SNRNP200: variants seen among roughly 807,000 people sequenced by gnomAD.
The protein encoded by SNRNP200 is small nuclear ribonucleoprotein U5 subunit 200, also known as U5 small nuclear ribonucleoprotein 200 kDa helicase.
Under a neutral mutation model 255.2 loss-of-function variants are expected in SNRNP200, and 66 were observed. That is an observed-to-expected ratio of 0.26 (90% CI 0.21 to 0.32). The LOEUF is 0.32. Among genes scored for constraint, SNRNP200 ranks in the 10% least tolerant of loss-of-function variants. SNRNP200 has a pLI of 1.00. For synonymous variants in SNRNP200, 939 were observed against 1,027.8 expected (o/e 0.91, Z 1.65); for missense variants, 1,585 against 2,749.8 (o/e 0.58, Z 9.47).
Position 96,284,373 on chromosome 2 carries a change from G to T in SNRNP200, c.4377C>A (p.Ile1459=). Residue 1459 remains isoleucine, a synonymous_variant, in exon 31 of 45, where the codon ATC becomes ATA. Transcript: ENST00000323853. ...NLFVVDEVHL[I]GGENGPVLEV... ...CACGCCATACCCCATTCTCGCCCCC[G>T]ATAAGGTGGACCTCATCCACCACGA... 6.2e-7 allele frequency: 1 copy of T among 1,613,892 alleles called. No homozygotes were observed. Among genetic ancestry groups the T allele is most frequent in the Non-Finnish European group, 8.5e-7 (1 of 1,179,866 alleles).
In SNRNP200 at chr2:96,293,501, A is replaced by G. The variant is rs776452134; in HGVS notation, c.1851T>C (p.Ile617=). ...QLVRLIILDE[I]HLLHDDRGPV... ...GACCTCTGTCATCGTGGAGAAGATG[A>G]ATCTCATCCTACGGAATTGGAGGAC... The change falls in exon 15 of 45, where the codon ATT becomes ATC. Residue 617 remains isoleucine, a synonymous_variant. Transcript: ENST00000323853. The G allele has an allele frequency of 1.9e-6, 3 of 1,612,170 alleles. No individual in the cohort carries two copies. The highest frequency in any genetic ancestry group is 1.7e-5 in the Admixed American group (1 of 60,014).
chr2:96,294,132 C>CAAAAAA (rs149859993), intron 14 of SNRNP200, among the ~76,000 whole-genome samples: 1 of 85,260 alleles, frequency 1.2e-5, no homozygotes. Context: ...TGCTCCATCT[C>CAAAAAA]AAAAAAAAAA....
intron 35 of SNRNP200, among the ~76,000 whole-genome samples, chr2:96,280,460 C>T (rs1383273964): frequency 1.3e-5 from 2 of 151,964 alleles, no homozygotes; most frequent in African/African-American, 4.8e-5. Flanking sequence ...ATCATACCAC[C>T]GCATTCCAGC....
Position 96,304,876 on chromosome 2 carries a change from G to T in SNRNP200, c.46-8C>A. ...GAGCACAAGATTCGAGTTCTGAAAAGATCAAAACATTATTGAAGCTTTGAC... is the reference window on the plus strand; with the variant it reads ...GAGCACAAGATTCGAGTTCTGAAAATATCAAAACATTATTGAAGCTTTGAC... On this transcript the variant is annotated splice_region_variant and splice_polypyrimidine_tract_variant and intron_variant, in intron 1 of 44. Coordinates refer to ENST00000323853, the MANE Select transcript of SNRNP200 (RefSeq NM_014014.5). The T allele has an allele frequency of 6.2e-7, 1 of 1,613,726 alleles. No individual in the cohort carries two copies. The highest frequency in any genetic ancestry group is 8.5e-7 in the Non-Finnish European group (1 of 1,179,834).
Position 96,281,850 on chromosome 2 carries a change from A to G in SNRNP200, c.4988T>C (p.Ile1663Thr), listed in dbSNP as rs145701974. The G allele has an allele frequency of 3.1e-6, 5 of 1,613,990 alleles. No homozygotes were observed. Among genetic ancestry groups the G allele is most frequent in the African/African-American group, 1.3e-5 (1 of 74,908 alleles). Residue 1663 changes from isoleucine (I) to threonine (T), a missense_variant, in exon 35 of 45, where the codon ATC becomes ACC. Physicochemically the swap from Ile to Thr is moderately conservative, Grantham distance 89. Transcript: ENST00000323853. ...GCCATTGTAGTACTGGGTATCCATG[A>G]TGATTACCAGGTGGGCAGCCACGTT... ...GMNVAAHLVI[I>T]MDTQYYNGKI... is the part of the protein sequence containing the mutation.
rs571601658 is a variant in SNRNP200, at chr2:96,289,248, G to C, written c.3072C>G (p.Phe1024Leu). The change falls in exon 22 of 45, where the codon TTC (phenylalanine) becomes TTG (leucine). Residue 1024 changes from phenylalanine (F) to leucine (L), a missense_variant. Physicochemically the swap from Phe to Leu is conservative, Grantham distance 22. Transcript: ENST00000323853. ...LFRVFSLSSE[F>L]KNITVREEEK... Reference sequence around the variant, plus strand: ...TCACCTCTCTCACTGTGATGTTCTTGAACTCAGAGGACAATGAGAAGACCC... The same window carrying C: ...TCACCTCTCTCACTGTGATGTTCTTCAACTCAGAGGACAATGAGAAGACCC... The C allele has an allele frequency of 1.2e-6, 2 of 1,614,220 alleles. No individual in the cohort carries two copies. The highest frequency in any genetic ancestry group is 1.7e-6 in the Non-Finnish European group (2 of 1,180,036).
chr2:96,301,032 T>C lies in SNRNP200; in HGVS notation c.596A>G (p.Tyr199Cys), dbSNP rs781227325. 6.2e-7 allele frequency: 1 copy of C among 1,613,922 alleles called. No homozygotes were observed. The highest frequency in any genetic ancestry group is 8.5e-7 in the Non-Finnish European group (1 of 1,179,880). ...AGACTCAAACTGCACATTCACACCGTATGTCTCATCAATGTTGTCATCTGA... is the reference window on the plus strand; with the variant it reads ...AGACTCAAACTGCACATTCACACCGCATGTCTCATCAATGTTGTCATCTGA... ...QNMDDNIDET[Y>C]GVNVQFESDE... Residue 199 changes from tyrosine (Y) to cysteine (C), a missense_variant, in exon 5 of 45, where the codon TAC (tyrosine) becomes TGC (cysteine). This residue lies in a region of SNRNP200 where 383 missense variants were observed against 645.3 expected (regional missense o/e 0.59). Coordinates refer to ENST00000323853, the MANE Select transcript of SNRNP200 (RefSeq NM_014014.5).
rs368565692 is a variant in SNRNP200 at position 96,288,638 on chromosome 2, A to G, written c.3258+25T>C. 1.3e-5 allele frequency: 21 copies of G among 1,602,430 alleles called. No homozygotes were observed. The African/African-American group carries it at 2.4e-4, about 18-fold the overall frequency. Reference sequence around the variant, plus strand: ...TTGAACTGTTCAGGCCCCTTCTCACAGCTGCCATACAACTCCGCTCTCACC... The same window carrying G: ...TTGAACTGTTCAGGCCCCTTCTCACGGCTGCCATACAACTCCGCTCTCACC... On this transcript the variant is annotated intron_variant, in intron 24 of 44. Coordinates refer to ENST00000323853, the MANE Select transcript of SNRNP200 (RefSeq NM_014014.5).
rs774650303 is a variant in SNRNP200 at position 96,299,285 on chromosome 2, C to A, written c.729+44G>T. ...GGCATGGGGAAGAAGCACTAACACC[C>A]AGAAGTAACCTTGTAGCAATGAGGA... On this transcript the variant is annotated intron_variant, in intron 6 of 44. Transcript: ENST00000323853. 17 of 1,566,174 alleles carry A rather than the reference C, an allele frequency of 1.1e-5. No homozygotes were observed. In the Admixed American group the frequency reaches 2.8e-4, roughly 26 times the overall value.
intron 11 of SNRNP200, 32 bp downstream of exon 11, chr2:96,297,331 G>A: frequency 6.2e-7 from 1 of 1,612,016 alleles, no homozygotes; most frequent in Non-Finnish European, 8.5e-7. Context: ...GAGGTGAACT[G>A]AGCAGAGAAC....
At chr2:96,292,878 C>A (rs947464355) in intron 16 of SNRNP200, 94 bp downstream of exon 16, 1 of 1,448,096 alleles carries the variant, frequency 6.9e-7, no homozygotes, top group African/African-American at 1.4e-5. Context: ...GTTGTGTCTT[C>A]TCTCTTTTAA....
In SNRNP200 at chr2:96,277,026, G is replaced by T. The variant is rs770900159; in HGVS notation, c.6093-41C>A. ...AGGGGCGCACGTCAGTGATGGGGCA[G>T]TGGGCTCAGAGCACACTATTATGCT... On this transcript the variant is annotated intron_variant, in intron 42 of 44. Coordinates refer to ENST00000323853, the MANE Select transcript of SNRNP200 (RefSeq NM_014014.5). The surrounding 1 kb of genome is among the most constrained non-coding windows in gnomAD (Gnocchi z 4.4). The T allele has an allele frequency of 1.2e-6, 2 of 1,613,866 alleles. No homozygotes were observed. Among genetic ancestry groups the T allele is most frequent in the African/African-American group, 2.7e-5 (2 of 74,946 alleles).
chr2:96,301,401 A>G lies in SNRNP200; in HGVS notation c.574+123T>C, dbSNP rs2063951330. ...TCCATCAATTGTAACTCTTCAAAAA[A>G]CACAGAACAGATTATGGGAACTCAC... On this transcript the variant is annotated intron_variant, in intron 4 of 44. Coordinates refer to ENST00000323853, the MANE Select transcript of SNRNP200 (RefSeq NM_014014.5). The G allele has an allele frequency of 1.8e-5, 19 of 1,084,240 alleles. No homozygotes were observed. In the Middle Eastern group the frequency reaches 5.9e-4, roughly 34 times the overall value. 67.2% of individuals were successfully genotyped at this position (1,084,240 alleles called of 1,614,324 possible).
chr2:96,299,485 A>C lies in SNRNP200; in HGVS notation c.631-58T>G. On this transcript the variant is annotated intron_variant, in intron 5 of 44. Transcript: ENST00000323853. ...GGAGCTGATCCTGCATCACCACAGA[A>C]CCTCTCCCTCAAGTCACCCTAAATT... The C allele has an allele frequency of 5.7e-6, 8 of 1,410,206 alleles. No individual in the cohort carries two copies. In the South Asian group the frequency reaches 9.2e-5, roughly 16 times the overall value. The allele number at this position is 1,410,206 out of a possible 1,614,324, so 87.4% of individuals were successfully genotyped here.
intron 23 of SNRNP200, 133 bp downstream of exon 23, chr2:96,288,904 C>A (rs746690542): frequency 5.7e-6 from 6 of 1,052,170 alleles, no homozygotes; most frequent in East Asian, 5.2e-5. Context: ...AAAGAACATG[C>A]GAGAAGGCTG....
intron 43 of SNRNP200, chr2:96,276,618 C>A: frequency 4.9e-6 from 2 of 411,932 alleles, no homozygotes; most frequent in Non-Finnish European, 4.6e-6. Context: ...GACGGGGTTT[C>A]ACTATGTTGG....
chr2:96,298,972 A>G lies in SNRNP200; in HGVS notation c.730-5T>C, dbSNP rs2063936398. The G allele has an allele frequency of 2.5e-6, 4 of 1,613,980 alleles. No homozygotes were observed. The highest frequency in any genetic ancestry group is 3.4e-6 in the Non-Finnish European group (4 of 1,180,010). On this transcript the variant is annotated splice_region_variant and splice_polypyrimidine_tract_variant and intron_variant, in intron 6 of 44. Transcript: ENST00000323853. ...CAGTTCACCTGAGGCTACGAGCTAT[A>G]AAAGTAACCAGGCATTTAGCTCACC...
rs1684705757 is a variant in SNRNP200, at chr2:96,278,464, C to T, written c.5488+83G>A. 8 of 1,610,674 alleles carry T rather than the reference C, an allele frequency of 5.0e-6. No homozygotes were observed. Among genetic ancestry groups the T allele is most frequent in the East Asian group, 2.2e-5 (1 of 44,870 alleles). ...TGCAGTGTCATCCCGCTGACAAACA[C>T]GGGCGCACCTCTCATCCCAGTGGGC... On this transcript the variant is annotated intron_variant, in intron 38 of 44. Coordinates refer to ENST00000323853, the MANE Select transcript of SNRNP200 (RefSeq NM_014014.5). This position sits in a 1 kb window ranked among gnomAD's most constrained non-coding sequence, Gnocchi z 6.9.
rs779885750 is a variant in SNRNP200 at position 96,298,707 on chromosome 2, A to G, written c.883-5T>C. 6.2e-7 allele frequency: 1 copy of G among 1,614,212 alleles called. No individual in the cohort carries two copies. The highest frequency in any genetic ancestry group is 1.1e-5 in the South Asian group (1 of 91,086). On this transcript the variant is annotated splice_region_variant and splice_polypyrimidine_tract_variant and intron_variant, in intron 7 of 44. Coordinates refer to ENST00000323853, the MANE Select transcript of SNRNP200 (RefSeq NM_014014.5). ...TTCCCGATCATCACTGGCCGTCTGCAGAGAGCAGGTAACACCACCATTAAG... is the reference window on the plus strand; with the variant it reads ...TTCCCGATCATCACTGGCCGTCTGCGGAGAGCAGGTAACACCACCATTAAG...
Sources: allele counts gnomAD v4.1 joint callset (sites outside exome capture counted in the v4.1 genomes callset), GRCh38; gene constraint gnomAD v4.1.1; regional missense constraint gnomAD v4.1.1; non-coding constraint Gnocchi (gnomAD v3.1); transcripts MANE v1.5; gene names NCBI Gene and HGNC (gene_info 2026-07-23, HGNC 2026-07-21).